The following ANO3 variants were observed in gnomAD, a reference collection of about 807,000 sequenced individuals.
The protein encoded by ANO3 is anoctamin 3.
In ANO3, 99 loss-of-function variants were observed where a neutral mutation model predicts 144.8. The ratio of observed to expected loss-of-function variants is 0.68; its 90% CI spans 0.58 to 0.81. The LOEUF (loss-of-function observed/expected upper bound fraction) is 0.81. Ranked by LOEUF, ANO3 falls within the 30% of genes least tolerant of loss-of-function variation. The pLI is 0.00. For missense variants in ANO3, 905 were observed against 1,202.2 expected (o/e 0.75, Z 3.66); for synonymous variants, 414 against 392.6 (o/e 1.05, Z -0.64).
At chr11:26,328,539 T>C (rs2133884800), upstream of ANO3, among the ~76,000 whole-genome samples, 1 of 152,322 alleles carries the variant, frequency 6.6e-6, no homozygotes, top group African/African-American at 2.4e-5. Context: ...CTGGCTGAGC[T>C]GAGGGACCTA....
intron 13 of ANO3, among the ~76,000 whole-genome samples, chr11:26,555,028 C>G (rs751113592): frequency 6.6e-6 from 1 of 152,138 alleles, no homozygotes; most frequent in Non-Finnish European, 1.5e-5. Context: ...AAATCCAAAG[C>G]CACTCAATGT....
chr11:26,276,183 C>T (rs1180065764), intron 1 of ANO3, among the ~76,000 whole-genome samples: 3 of 152,078 alleles, frequency 2.0e-5, no homozygotes, highest in East Asian at 3.9e-4. Flanking sequence ...TTTTTCATAT[C>T]GGTATCCCAA....
At chr11:26,563,427 G>C (rs1850382715) in intron 14 of ANO3, among the ~76,000 whole-genome samples, 1 of 124,798 alleles carries the variant, frequency 8.0e-6, no homozygotes, top group South Asian at 2.6e-4. Context: ...GTGTGTGTGT[G>C]TGTGTCTTGT....
chr11:26,589,561 AAG>A (rs1424968095), intron 14 of ANO3, among the ~76,000 whole-genome samples: 1 of 152,106 alleles, frequency 6.6e-6, no homozygotes, highest in Non-Finnish European at 1.5e-5. Context: ...ATTACCCCAG[AAG>A]AAAGCAGGTC....
chr11:26,196,037 A>T lies in ANO3; in HGVS notation c.154+6707A>T, dbSNP rs1489365691. Reference sequence around the variant, plus strand: ...TCTCTTGTGACTTCTCAACCTCCAGATTCCTGGGCCATTCATATGAGTTGC... The same window carrying T: ...TCTCTTGTGACTTCTCAACCTCCAGTTTCCTGGGCCATTCATATGAGTTGC... On this transcript the variant is annotated intron_variant, in intron 1 of 27. Coordinates refer to the ANO3 transcript ENST00000672621. Among the ~76,000 whole-genome samples the T allele has an allele frequency of 3.3e-5, 5 of 152,104 alleles. No homozygotes were observed. In the East Asian group the frequency reaches 9.6e-4, roughly 29 times the overall value.
intron 1 of ANO3, among the ~76,000 whole-genome samples, chr11:26,314,869 T>C (rs1292882086): frequency 1.3e-5 from 2 of 152,182 alleles, no homozygotes; most frequent in African/African-American, 4.8e-5. Flanking sequence ...ATAAAGACTT[T>C]ATCTGGGTAA....
chr11:26,649,063 G>T (rs1006808502), intron 24 of ANO3, among the ~76,000 whole-genome samples: 14 of 152,034 alleles, frequency 9.2e-5, no homozygotes, highest in African/African-American at 2.7e-4. Flanking sequence ...GACATTTTAG[G>T]TTCGAGTTGT....
chr11:26,355,332 AT>A (rs889565458), intron 1 of ANO3, among the ~76,000 whole-genome samples: 18 of 151,946 alleles, frequency 1.2e-4, no homozygotes, highest in Non-Finnish European at 2.4e-4. Context: ...TCTAAGATGG[AT>A]TTTTTTTCCT....
intron 18 of ANO3, among the ~76,000 whole-genome samples, chr11:26,631,090 T>C (rs1359735540): frequency 6.6e-6 from 1 of 152,008 alleles, no homozygotes; most frequent in Non-Finnish European, 1.5e-5. Flanking sequence ...TATATATAAA[T>C]GTTTTAACTT....
chr11:26,576,935 T>C (rs943820572), intron 14 of ANO3, among the ~76,000 whole-genome samples: 1 of 152,232 alleles, frequency 6.6e-6, no homozygotes, highest in Non-Finnish European at 1.5e-5. Flanking sequence ...ATACTATTCA[T>C]GAGACAGCTG....
intron 1 of ANO3, among the ~76,000 whole-genome samples, chr11:26,387,130 ATTTTT>A (rs372622053): frequency 3.0e-4 from 39 of 128,382 alleles, no homozygotes; most frequent in African/African-American, 8.5e-4. Flanking sequence ...CAAATGTAGT[ATTTTT>A]TTTTTTTTTT....
chr11:26,285,326 T>C (rs912240979), intron 1 of ANO3, among the ~76,000 whole-genome samples: 14 of 152,196 alleles, frequency 9.2e-5, no homozygotes, highest in Non-Finnish European at 1.6e-4. Context: ...AAAAAGAATC[T>C]AAAAATAAAG....
chr11:26,607,975 C>A (rs1360082534), intron 17 of ANO3, among the ~76,000 whole-genome samples: 11 of 152,212 alleles, frequency 7.2e-5, no homozygotes, highest in Non-Finnish European at 1.5e-4. Flanking sequence ...TGTGCCCTTG[C>A]CGGAGAGGCG....
At chr11:26,372,814 G>C (rs1468574275) in intron 1 of ANO3, among the ~76,000 whole-genome samples, 2 of 152,090 alleles carry the variant, frequency 1.3e-5, no homozygotes, top group African/African-American at 2.4e-5. Flanking sequence ...AAGTGGCAGA[G>C]TGAATAGTTG....
chr11:26,300,396 C>T (rs1304855547), intron 1 of ANO3, among the ~76,000 whole-genome samples: 1 of 151,990 alleles, frequency 6.6e-6, no homozygotes, highest in Non-Finnish European at 1.5e-5. Context: ...CATTTGCCCC[C>T]CATTTTATAG....
chr11:26,624,180 A>T (rs535693352), intron 17 of ANO3, among the ~76,000 whole-genome samples: 1 of 152,372 alleles, frequency 6.6e-6, no homozygotes, highest in African/African-American at 2.4e-5. Context: ...TTACAAAATG[A>T]AAATGAAGAT....
intron 14 of ANO3, among the ~76,000 whole-genome samples, chr11:26,585,821 A>G (rs1851259308): frequency 6.6e-6 from 1 of 152,244 alleles, no homozygotes; most frequent in South Asian, 2.1e-4. Context: ...CTGAAGGTTA[A>G]TAACAATAGC....
chr11:26,507,334 T>C (rs1160597406), intron 4 of ANO3, among the ~76,000 whole-genome samples: 1 of 152,222 alleles, frequency 6.6e-6, no homozygotes, highest in Non-Finnish European at 1.5e-5. Flanking sequence ...GTAGGTCTTA[T>C]AAGGCAGGAA....
At chr11:26,597,550 T>C (rs571013922) in intron 14 of ANO3, among the ~76,000 whole-genome samples, 32 of 151,990 alleles carry the variant, frequency 2.1e-4, no homozygotes, top group Non-Finnish European at 3.7e-4. Flanking sequence ...ACAGCAGTGG[T>C]GGACAGCAAG....
Sources: gnomAD v4.1 joint callset for allele counts (sites outside exome capture counted in the v4.1 genomes callset) on GRCh38, gnomAD v4.1.1 for gene constraint, MANE v1.5 for transcripts, NCBI Gene and HGNC (gene_info 2026-07-23, HGNC 2026-07-21) for gene names.